CCDC178: variants seen among roughly 807,000 people sequenced by gnomAD.
The protein encoded by CCDC178 is coiled-coil domain containing 178.
CCDC178 carries 126 observed loss-of-function variants against 117.4 expected under a neutral mutation model. The observed-to-expected ratio is 1.07, with a 90% CI of 0.93 to 1.24. The LOEUF (loss-of-function observed/expected upper bound fraction) is 1.24. Ranked by LOEUF, CCDC178 falls within the 50% of genes most tolerant of loss-of-function variation. The pLI is 0.00. For missense variants in CCDC178, 1,030 were observed against 986.9 expected (o/e 1.04, Z -0.59); for synonymous variants, 283 against 313.4 (o/e 0.90, Z 1.02).
chr18:33,329,876 AGTGTGTGTGTGTGTGTGTGTGT>A (rs67627028), intron 10 of CCDC178, among the ~76,000 whole-genome samples: 4 of 131,414 alleles, frequency 3.0e-5, no homozygotes, highest in East Asian at 2.3e-4. Flanking sequence ...GAATTATTAG[AGTGTGTGTGTGTGTGTGTGTGT>A]GTGTGTGTGT....
At chr18:33,230,808 A>C (rs761714904) in intron 15 of CCDC178, among the ~76,000 whole-genome samples, 1 of 152,188 alleles carries the variant, frequency 6.6e-6, no homozygotes, top group Non-Finnish European at 1.5e-5. Flanking sequence ...TGCATGCAAT[A>C]TATATTCCTA....
rs186938458 is a variant in CCDC178, at chr18:33,266,892, G to T, written c.1409+24C>A. ...TAACATATTGGATTATGGTATATAAGAAGAAAAGTATTTGCAAATTTACCT... is the reference window on the plus strand; with the variant it reads ...TAACATATTGGATTATGGTATATAATAAGAAAAGTATTTGCAAATTTACCT... On this transcript the variant is annotated intron_variant, in intron 14 of 22. Transcript: ENST00000383096. The T allele has an allele frequency of 1.1e-5, 16 of 1,505,594 alleles. No individual in the cohort carries two copies. The Admixed American group carries it at 1.3e-4, about 12-fold the overall frequency. The allele number at this position is 1,505,594 out of a possible 1,614,324, so 93.3% of individuals were successfully genotyped here.
At chr18:33,020,587 G>A (rs1324988650) in intron 21 of CCDC178, among the ~76,000 whole-genome samples, 7 of 152,126 alleles carry the variant, frequency 4.6e-5, no homozygotes, top group Non-Finnish European at 8.8e-5. Context: ...TATGTGGTGT[G>A]TGTTTACTTT....
chr18:33,339,643 C>G (rs553155643), intron 9 of CCDC178, among the ~76,000 whole-genome samples: 41 of 152,008 alleles, frequency 2.7e-4, no homozygotes, highest in Admixed American at 5.3e-4. Context: ...GTGGAAGGGA[C>G]CCAGGGGGAG....
intron 11 of CCDC178, among the ~76,000 whole-genome samples, chr18:33,318,779 C>A (rs1482093874): frequency 1.3e-5 from 2 of 151,910 alleles, no homozygotes; most frequent in Non-Finnish European, 2.9e-5. Flanking sequence ...ACAGGCAAAA[C>A]AGCCAAAGGA....
intron 11 of CCDC178, among the ~76,000 whole-genome samples, chr18:33,316,125 C>A (rs1015000452): frequency 6.6e-6 from 1 of 152,180 alleles, no homozygotes; most frequent in Non-Finnish European, 1.5e-5. Context: ...CCCACTCTGG[C>A]GGAGCTTGAG....
chr18:33,257,656 C>G (rs972826134), intron 14 of CCDC178, among the ~76,000 whole-genome samples: 1 of 151,966 alleles, frequency 6.6e-6, no homozygotes, highest in African/African-American at 2.4e-5. Context: ...TGTTCTGTAG[C>G]AAAAAACTTT....
intron 21 of CCDC178, among the ~76,000 whole-genome samples, chr18:33,027,632 A>G (rs192649784): frequency 1.3e-5 from 2 of 151,852 alleles, no homozygotes; most frequent in Admixed American, 1.3e-4. Flanking sequence ...GATTAACAAG[A>G]TATTTTATAT....
intron 20 of CCDC178, among the ~76,000 whole-genome samples, chr18:33,104,766 T>C (rs1468460845): frequency 6.6e-6 from 1 of 151,760 alleles, no homozygotes; most frequent in Non-Finnish European, 1.5e-5. Context: ...TTTTTGATGT[T>C]GGCCATATAT....
At chr18:33,071,594 A>G (rs989536448) in intron 21 of CCDC178, among the ~76,000 whole-genome samples, 2 of 152,120 alleles carry the variant, frequency 1.3e-5, no homozygotes, top group Non-Finnish European at 2.9e-5. Flanking sequence ...ACAAGAAAAA[A>G]TGGTAGTGAA....
intron 20 of CCDC178, among the ~76,000 whole-genome samples, chr18:33,098,502 T>TA (rs2057577135): frequency 6.6e-6 from 1 of 152,010 alleles, no homozygotes; most frequent in Non-Finnish European, 1.5e-5. Flanking sequence ...TGTCATCCCC[T>TA]AATTCTTGGT....
intron 20 of CCDC178, among the ~76,000 whole-genome samples, chr18:33,097,381 C>G (rs900373410): frequency 2.0e-4 from 30 of 152,104 alleles, no homozygotes; most frequent in Non-Finnish European, 5.9e-5. Context: ...CCAAGTCATC[C>G]AACTGATGTC....
intron 20 of CCDC178, among the ~76,000 whole-genome samples, chr18:33,139,310 A>G (rs2048762871): frequency 1.3e-5 from 2 of 152,176 alleles, no homozygotes; most frequent in Admixed American, 1.3e-4. Context: ...TGTTGCTGAA[A>G]AGATACCCAA....
At chr18:32,976,272 A>G (rs905679992) in intron 21 of CCDC178, among the ~76,000 whole-genome samples, 2 of 151,960 alleles carry the variant, frequency 1.3e-5, no homozygotes, top group Admixed American at 1.3e-4. Context: ...CAATGTGGGG[A>G]GGTATGCTGT....
chr18:33,342,133 A>G (rs1015894958), intron 9 of CCDC178, among the ~76,000 whole-genome samples: 1 of 152,210 alleles, frequency 6.6e-6, no homozygotes, highest in African/African-American at 2.4e-5. Flanking sequence ...ATAAATAATT[A>G]ACAATTGAAG....
chr18:33,211,568 C>A (rs544363290), intron 20 of CCDC178, among the ~76,000 whole-genome samples: 65 of 151,512 alleles, frequency 4.3e-4, no homozygotes, highest in Admixed American at 4.2e-3. Context: ...CAAATGATAA[C>A]CATTCTCATT....
At chr18:33,230,238 C>T (rs1056052022) in intron 15 of CCDC178, among the ~76,000 whole-genome samples, 1 of 149,068 alleles carries the variant, frequency 6.7e-6, no homozygotes, top group Non-Finnish European at 1.5e-5. Flanking sequence ...ACCACATTAA[C>T]TCAGAGGCTG....
intron 20 of CCDC178, among the ~76,000 whole-genome samples, chr18:33,164,376 A>T (rs1364891329): frequency 1.3e-5 from 2 of 151,990 alleles, no homozygotes; most frequent in African/African-American, 2.4e-5. Context: ...GGCCTCCCAA[A>T]GTGCTGGGAT....
intron 21 of CCDC178, among the ~76,000 whole-genome samples, chr18:33,080,487 G>A (rs570913723): frequency 3.9e-4 from 60 of 152,200 alleles, no homozygotes; most frequent in Middle Eastern, 3.4e-3. Flanking sequence ...TATTGACACA[G>A]GAAAAAGATG....
Sources: allele counts gnomAD v4.1 joint callset (sites outside exome capture counted in the v4.1 genomes callset), GRCh38; gene constraint gnomAD v4.1.1; transcripts MANE v1.5; gene names NCBI Gene and HGNC (gene_info 2026-07-23, HGNC 2026-07-21).